CRK: variants seen among roughly 807,000 people sequenced by gnomAD.
The protein encoded by CRK is adapter molecule crk.
Under a neutral mutation model 29.8 loss-of-function variants are expected in CRK, and 4 were observed. The ratio of observed to expected loss-of-function variants is 0.13; its 90% confidence interval spans 0.07 to 0.31. The LOEUF is 0.31. Ranked by LOEUF, CRK falls within the 10% of genes least tolerant of loss-of-function variation. The pLI, the probability that CRK is intolerant of heterozygous loss-of-function variation, is 1.00. For missense variants in CRK, 274 were observed against 396.5 expected, an observed-to-expected ratio of 0.69 and a Z score of 2.62; for synonymous variants, 153 against 164.9, an observed-to-expected ratio of 0.93 and a Z score of 0.55.
chr17:1,436,716 G>A lies in CRK; in HGVS notation c.681C>T (p.Asn227=). 6.2e-7 allele frequency: 1 copy of A among 1,609,510 alleles called. No individual in the cohort carries two copies. Among genetic ancestry groups the A allele is most frequent in the Non-Finnish European group, 8.5e-7 (1 of 1,178,164 alleles). ...CATTCTGGAGGTTAGGGAGCGGAGT[G>A]TTGACGCTGGGTTGGGCATAGGGCC... ...EPGPYAQPSV[N]TPLPNLQNGP... The change falls in exon 2 of 3, where the codon AAC becomes AAT. Residue 227 remains asparagine, a synonymous_variant. Coordinates refer to ENST00000300574, the MANE Select transcript of CRK (RefSeq NM_016823.4).
At chr17:1,431,091 C>CAAAT (rs2073841223) in intron 2 of CRK, among the ~76,000 whole-genome samples, 2 of 151,616 alleles carry the variant, frequency 1.3e-5, no homozygotes, top group South Asian at 2.1e-4. Context: ...AACAAACAAA[C>CAAAT]AAATTAACCC....
In CRK at chr17:1,420,823, G is replaced by A. The variant is rs1490856252; in HGVS notation, c.*2690C>T. On this transcript the variant is annotated 3_prime_UTR_variant, in exon 3 of 3. Transcript: ENST00000300574. ...TTTAACTGTCAAGAAAGTGTATAGT[G>A]TTATAATACAATGGCACATGTTTAT... The A allele has an allele frequency of 3.3e-5, 5 of 152,030 alleles. No individual in the cohort carries two copies. The East Asian group carries it at 9.6e-4, about 29-fold the overall frequency. The allele number at this position is 152,030 out of a possible 1,614,324, so 9.4% of individuals were successfully genotyped here. A position where few individuals can be genotyped will look rare whatever the true frequency, so the allele number is the denominator to read the frequency against.
chr17:1,444,822 G>T (rs2073962069), intron 1 of CRK, among the ~76,000 whole-genome samples: 1 of 126,070 alleles, frequency 7.9e-6, no homozygotes, highest in African/African-American at 3.2e-5. Context: ...AACAAGAGCA[G>T]AACTCCATCT....
intron 1 of CRK, among the ~76,000 whole-genome samples, chr17:1,446,433 A>G (rs1259025836): frequency 6.6e-6 from 1 of 152,102 alleles, no homozygotes; most frequent in Non-Finnish European, 1.5e-5. Flanking sequence ...AGCGAAATAC[A>G]TTTTGGCGGG....
At chr17:1,430,433 T>G (rs900863477) in intron 2 of CRK, among the ~76,000 whole-genome samples, 8 of 151,404 alleles carry the variant, frequency 5.3e-5, no homozygotes, top group Non-Finnish European at 8.8e-5. Flanking sequence ...CTTGGCTCAC[T>G]GCAAGCTCCG....
chr17:1,449,447 C>T (rs1009553533), intron 1 of CRK, among the ~76,000 whole-genome samples: 3 of 152,148 alleles, frequency 2.0e-5, no homozygotes, highest in Non-Finnish European at 2.9e-5. Context: ...TATGCCAGTA[C>T]TGAATATGGA....
intron 2 of CRK, among the ~76,000 whole-genome samples, chr17:1,425,961 G>T (rs552226858): frequency 6.6e-6 from 1 of 152,178 alleles, no homozygotes; most frequent in Non-Finnish European, 1.5e-5. Context: ...AAACTGAGGT[G>T]GGGGGATGGC....
intron 1 of CRK, among the ~76,000 whole-genome samples, chr17:1,444,217 T>C (rs1252159598): frequency 6.6e-6 from 1 of 152,072 alleles, no homozygotes; most frequent in Non-Finnish European, 1.5e-5. Flanking sequence ...CACTGTGGCC[T>C]TGTACTCCTG....
At chr17:1,444,389 C>A (rs141762460) in intron 1 of CRK, among the ~76,000 whole-genome samples, 273 of 152,268 alleles carry the variant, frequency 1.8e-3, no homozygotes, top group Non-Finnish European at 2.9e-3. Flanking sequence ...AAACGCCAGG[C>A]AGGGTGGTGC....
rs1302543210 is a variant in CRK at position 1,456,177 on chromosome 17, GCGCCCGC to G, written c.-67_-61del. The stretch of plus-strand genomic sequence containing the variant: ...GCCGCGCGCGCCCCTCCGGCCCCCG[GCGCCCGC>G]CGCCCAGCGGACCGGCTCCGGTTTC... On this transcript the variant is annotated 5_prime_UTR_variant, in exon 1 of 3. Transcript: ENST00000300574. 3.6e-6 allele frequency: 5 copies of G among 1,377,932 alleles called. No individual in the cohort carries two copies. The African/African-American group carries it at 7.7e-5, about 21-fold the overall frequency. The allele number at this position is 1,377,932 out of a possible 1,614,324, so 85.4% of individuals were successfully genotyped here.
intron 1 of CRK, among the ~76,000 whole-genome samples, chr17:1,450,198 C>G (rs754101140): frequency 1.3e-5 from 2 of 151,950 alleles, no homozygotes; most frequent in Non-Finnish European, 2.9e-5. Flanking sequence ...GAGCAAGACT[C>G]TGTCTCAAAA....
At chr17:1,448,443 G>T (rs1440668475) in intron 1 of CRK, among the ~76,000 whole-genome samples, 3 of 151,700 alleles carry the variant, frequency 2.0e-5, no homozygotes, top group African/African-American at 4.8e-5. Flanking sequence ...GATCAACATG[G>T]TGAAACCCAT....
rs771230814 is a variant in CRK at position 1,423,646 on chromosome 17, C to G, written c.782G>C (p.Gly261Ala). The G allele has an allele frequency of 6.2e-7, 1 of 1,613,898 alleles. No homozygotes were observed. Among genetic ancestry groups the G allele is most frequent in the Non-Finnish European group, 8.5e-7 (1 of 1,179,958 alleles). The change falls in exon 3 of 3, where the codon GGT becomes GCT. Residue 261 changes from glycine (G) to alanine (A), a missense_variant. Physicochemically the swap from Gly to Ala is moderately conservative, Grantham distance 60. Coordinates refer to ENST00000300574, the MANE Select transcript of CRK (RefSeq NM_016823.4). ...YDKTALALEV[G>A]ELVKVTKINV... ...AATCTTCGTAACCTTTACCAGCTCA[C>G]CGACCTGCAGGAGGAGAATAAGGAG...
intron 1 of CRK, among the ~76,000 whole-genome samples, chr17:1,450,840 C>T (rs758952165): frequency 1.3e-4 from 20 of 152,046 alleles, no homozygotes; most frequent in African/African-American, 4.8e-4. Context: ...GAGCTGAGAT[C>T]GCGCCACTGC....
chr17:1,430,264 G>A (rs1004091103), intron 2 of CRK, among the ~76,000 whole-genome samples: 5 of 151,378 alleles, frequency 3.3e-5, no homozygotes, highest in African/African-American at 4.9e-5. Flanking sequence ...GGCTGGTCTC[G>A]AATTCCTGAC....
chr17:1,446,213 C>G (rs531881035), intron 1 of CRK, among the ~76,000 whole-genome samples: 1 of 152,154 alleles, frequency 6.6e-6, no homozygotes, highest in African/African-American at 2.4e-5. Flanking sequence ...GAAAGCGGCA[C>G]GTCTTAGGAA....
chr17:1,442,443 C>T (rs948996693), intron 1 of CRK, among the ~76,000 whole-genome samples: 1 of 151,672 alleles, frequency 6.6e-6, no homozygotes, highest in African/African-American at 2.4e-5. Flanking sequence ...TGCACCACTG[C>T]AGTACTGAGA....
chr17:1,430,094 G>C (rs1254689567), intron 2 of CRK, among the ~76,000 whole-genome samples: 1 of 151,192 alleles, frequency 6.6e-6, no homozygotes, highest in Admixed American at 6.6e-5. Context: ...GCCCAGGCTG[G>C]AGTGCAGTGG....
chr17:1,425,069 G>A (rs898233805), intron 2 of CRK, among the ~76,000 whole-genome samples: 1 of 151,700 alleles, frequency 6.6e-6, no homozygotes, highest in African/African-American at 2.4e-5. Context: ...GTCTCTTGTT[G>A]CAAAATGAAA....
Sources: allele counts gnomAD v4.1 joint callset (sites outside exome capture counted in the v4.1 genomes callset), GRCh38; gene constraint gnomAD v4.1.1; transcripts MANE v1.5; gene names NCBI Gene and HGNC (gene_info 2026-07-23, HGNC 2026-07-21).